FILIP1L: variants seen among roughly 807,000 people sequenced by gnomAD.
FILIP1L encodes filamin A-interacting protein 1-like.
FILIP1L carries 55 observed loss-of-function variants against 96.6 expected under a neutral mutation model. The ratio of observed to expected loss-of-function variants is 0.57; its 90% confidence interval spans 0.46 to 0.71. The LOEUF (loss-of-function observed/expected upper bound fraction) is 0.71, where lower values mean the gene tolerates loss of function less well. FILIP1L is among the 30% of genes least tolerant of loss of function. FILIP1L has a pLI of 0.00. For missense variants in FILIP1L, 1,304 were observed against 1,321.2 expected (o/e 0.99, Z 0.20); for synonymous variants, 467 against 473.9 (o/e 0.99, Z 0.19).
At chr3:99,920,180 T>G (rs892692730) in intron 4 of FILIP1L, among the ~76,000 whole-genome samples, 2 of 152,172 alleles carry the variant, frequency 1.3e-5, no homozygotes, top group Admixed American at 1.3e-4. Context: ...AGACCAGAAA[T>G]GCAGTAACAT....
chr3:100,065,322 A>G (rs932174187), intron 1 of FILIP1L, among the ~76,000 whole-genome samples: 2 of 152,158 alleles, frequency 1.3e-5, no homozygotes, highest in South Asian at 4.1e-4. Flanking sequence ...CTAAATTGCA[A>G]TTCTCAGGCC....
intron 1 of FILIP1L, among the ~76,000 whole-genome samples, chr3:99,949,597 C>G (rs1172570656): frequency 6.6e-6 from 1 of 152,176 alleles, no homozygotes; most frequent in Non-Finnish European, 1.5e-5. Context: ...ACTAACATGG[C>G]TGTATTTCAA....
chr3:99,900,744 G>C (rs1226497633), intron 4 of FILIP1L, among the ~76,000 whole-genome samples: 1 of 152,176 alleles, frequency 6.6e-6, no homozygotes, highest in Non-Finnish European at 1.5e-5. Context: ...CTGCACGTTG[G>C]AACTACCTGG....
intron 4 of FILIP1L, among the ~76,000 whole-genome samples, chr3:99,879,976 T>C (rs1408146556): frequency 6.6e-6 from 1 of 152,154 alleles, no homozygotes; most frequent in African/African-American, 2.4e-5. Flanking sequence ...CACCCCACGC[T>C]ACCTTCTACC....
At chr3:99,843,095 T>G (rs1438416199) in intron 5 of FILIP1L, among the ~76,000 whole-genome samples, 1 of 152,258 alleles carries the variant, frequency 6.6e-6, no homozygotes, top group Non-Finnish European at 1.5e-5. Context: ...AGTAAACTAC[T>G]TGTCTTCCTT....
intron 4 of FILIP1L, among the ~76,000 whole-genome samples, chr3:99,862,311 A>G (rs1156643914): frequency 2.6e-5 from 4 of 152,216 alleles, no homozygotes; most frequent in African/African-American, 9.6e-5. Flanking sequence ...GTCAGTCACA[A>G]TGAGCTGACC....
At chr3:99,898,142 C>A (rs548846672) in intron 4 of FILIP1L, 2 of 152,010 alleles carry the variant, frequency 1.3e-5, no homozygotes, top group Admixed American at 1.3e-4. Context: ...TTAAATGTAG[C>A]TTATTTGAGG....
intron 4 of FILIP1L, among the ~76,000 whole-genome samples, chr3:99,910,672 T>C (rs1706759737): frequency 8.3e-6 from 1 of 121,132 alleles, no homozygotes. Context: ...AAATAAACAT[T>C]TTATGGGGTT....
At chr3:99,929,816 T>C in intron 3 of FILIP1L, 40 bp downstream of exon 3, 1 of 1,500,312 alleles carries the variant, frequency 6.7e-7, no homozygotes, top group Non-Finnish European at 9.0e-7. Flanking sequence ...GGCTAGTGCT[T>C]GGCTGCCTCC....
rs149334078 is a variant in FILIP1L, at chr3:99,998,816, G to A, written c.-10-67786C>T. On this transcript the variant is annotated intron_variant, in intron 1 of 5. Coordinates refer to ENST00000477258, the MANE Select transcript of FILIP1L (RefSeq NM_001387850.1). ...GATCTCCTGACCTCGTGATCCGCCCGCCTTAGCCTCCCAAAGTAATGGGAT... is the reference window on the plus strand; with the variant it reads ...GATCTCCTGACCTCGTGATCCGCCCACCTTAGCCTCCCAAAGTAATGGGAT... 6.5e-3 allele frequency among the ~76,000 whole-genome samples: 985 copies of A among 152,250 alleles called. 13 individuals carry two copies. Among genetic ancestry groups the A allele is most frequent in the African/African-American group, 0.021 (867 of 41,558 alleles).
intron 1 of FILIP1L, among the ~76,000 whole-genome samples, chr3:99,938,454 A>G (rs1707758249): frequency 6.6e-6 from 1 of 152,220 alleles, no homozygotes; most frequent in Non-Finnish European, 1.5e-5. Context: ...TACGACACTC[A>G]TGGCCAAGGA....
intron 1 of FILIP1L, among the ~76,000 whole-genome samples, chr3:100,026,432 C>T (rs2064923898): frequency 6.6e-6 from 1 of 152,018 alleles, no homozygotes; most frequent in Non-Finnish European, 1.5e-5. Flanking sequence ...AGTGTCTTGT[C>T]TCGATGGGGC....
At chr3:99,891,921 C>T (rs1334157112) in intron 4 of FILIP1L, among the ~76,000 whole-genome samples, 1 of 152,072 alleles carries the variant, frequency 6.6e-6, no homozygotes, top group Non-Finnish European at 1.5e-5. Context: ...AAGAATCAGT[C>T]GGCTATCTAG....
rs749574099 is a variant in FILIP1L, at chr3:100,078,750, G to A, written c.-11+35303C>T. Reference sequence around the variant, plus strand: ...TACTAAAAATACAAAAATTAGCCGAGCATCATGGCGGGTGCCTGTAATCCA... The same window carrying A: ...TACTAAAAATACAAAAATTAGCCGAACATCATGGCGGGTGCCTGTAATCCA... On this transcript the variant is annotated intron_variant, in intron 1 of 5. Transcript: ENST00000477258. Among the ~76,000 whole-genome samples the A allele has an allele frequency of 6.6e-5, 10 of 152,212 alleles. No homozygotes were observed. In the East Asian group the frequency reaches 9.7e-4, roughly 15 times the overall value.
chr3:100,052,522 C>G (rs908447953), intron 1 of FILIP1L, among the ~76,000 whole-genome samples: 10 of 152,118 alleles, frequency 6.6e-5, no homozygotes, highest in Non-Finnish European at 4.4e-5. Flanking sequence ...TTAACTGAAC[C>G]TCTAAGTGAA....
Position 100,071,090 on chromosome 3 carries a change from CT to C in FILIP1L, c.-11+42962del, listed in dbSNP as rs61563009. On this transcript the variant is annotated intron_variant, in intron 1 of 5. Coordinates refer to ENST00000477258, the MANE Select transcript of FILIP1L (RefSeq NM_001387850.1). ...TTGTTTTTAAGAGAAGCTACTCTCTCTTTTTTTTTTTTTTTTTTTTTGGATG... is the reference window on the plus strand; with the variant it reads ...TTGTTTTTAAGAGAAGCTACTCTCTCTTTTTTTTTTTTTTTTTTTTGGATG... 6.7e-3 allele frequency among the ~76,000 whole-genome samples: 470 copies of C among 70,562 alleles called. 7 individuals are homozygous for C. In the South Asian group the frequency reaches 0.082, roughly 12 times the overall value. The allele number at this position is 70,562 out of a possible 152,430, so 46.3% of individuals were successfully genotyped here.
At chr3:100,013,429 A>G (rs973475327) in intron 1 of FILIP1L, among the ~76,000 whole-genome samples, 10 of 151,606 alleles carry the variant, frequency 6.6e-5, no homozygotes, top group Non-Finnish European at 1.5e-5. Flanking sequence ...TTTTTAGTAG[A>G]GACCGGGTTT....
chr3:99,931,669 A>G (rs1457934314), intron 1 of FILIP1L, among the ~76,000 whole-genome samples: 3 of 152,184 alleles, frequency 2.0e-5, no homozygotes, highest in African/African-American at 7.2e-5. Flanking sequence ...TTCTAGATCT[A>G]TCCTTGGGTA....
rs773698157 is a variant in FILIP1L, at chr3:99,848,999, C to G, written c.2677G>C (p.Val893Leu). The part of the protein sequence containing the change: ...NANFVQPGDL[V>L]LSHTPGQPLH... ...GGCTGCCCAGGTGTGTGGCTTAGGA[C>G]TAGATCTCCAGGTTGCACAAAGTTG... is the stretch of plus-strand genomic sequence containing the variant. The change falls in exon 5 of 6, where the codon GTC becomes CTC. Residue 893 changes from valine to leucine, a missense_variant. By Grantham distance (32) the Val-to-Leu change is conservative (BLOSUM62 1). Coordinates refer to ENST00000477258, the MANE Select transcript of FILIP1L (RefSeq NM_001387850.1). 10 of 1,613,942 alleles carry G rather than the reference C, an allele frequency of 6.2e-6. No individual in the cohort carries two copies. Among genetic ancestry groups the G allele is most frequent in the Admixed American group, 1.7e-5 (1 of 59,994 alleles).
Sources: gnomAD v4.1 joint callset for allele counts (sites outside exome capture counted in the v4.1 genomes callset) on GRCh38, gnomAD v4.1.1 for gene constraint, MANE v1.5 for transcripts, NCBI Gene and HGNC (gene_info 2026-07-23, HGNC 2026-07-21) for gene names.